The following LAMC1 variants were observed in gnomAD, a reference collection of about 807,000 sequenced individuals.
LAMC1 encodes the protein laminin subunit gamma-1.
A neutral mutation model predicts 173.6 loss-of-function variants in LAMC1; 38 were observed. The ratio of observed to expected loss-of-function variants is 0.22; its 90% CI spans 0.17 to 0.29. The LOEUF is 0.29. Ranked by LOEUF, LAMC1 falls within the 10% of genes least tolerant of loss-of-function variation. LAMC1 has a pLI of 1.00. For synonymous variants in LAMC1, 746 were observed against 749.1 expected, an observed-to-expected ratio of 1.00 and a Z score of 0.07; for missense variants, 1,824 against 2,051.8, an observed-to-expected ratio of 0.89 and a Z score of 2.14.
intron 13 of LAMC1, among the ~76,000 whole-genome samples, chr1:183,123,584 C>T (rs1407643068): frequency 2.0e-5 from 3 of 152,102 alleles, no homozygotes; most frequent in African/African-American, 4.8e-5. Context: ...CCATTGCTAT[C>T]CCAATGTCTC....
intron 13 of LAMC1, among the ~76,000 whole-genome samples, chr1:183,122,996 T>C (rs1447684390): frequency 6.6e-6 from 1 of 152,228 alleles, no homozygotes; most frequent in Non-Finnish European, 1.5e-5. Flanking sequence ...GATTTGATTG[T>C]GTCAGCCATT....
In LAMC1 at chr1:183,137,787, A is replaced by C; in HGVS notation, c.4433A>C (p.Lys1478Thr). The C allele has an allele frequency of 3.1e-6, 5 of 1,611,734 alleles. No homozygotes were observed. The highest frequency in any genetic ancestry group is 4.2e-6 in the Non-Finnish European group (5 of 1,178,652). ...LQEAEKELKR[K>T]QDDADQDMMM... Reference sequence around the variant, plus strand: ...GAAGCAGAAAAAGAGCTAAAGAGAAAACAAGATGACGCTGACCAGGACATG... The same window carrying C: ...GAAGCAGAAAAAGAGCTAAAGAGAACACAAGATGACGCTGACCAGGACATG... Residue 1478 changes from lysine (K) to threonine (T), a missense_variant, in exon 26 of 28, where the codon AAA (lysine) becomes ACA (threonine). Physicochemically the swap from Lys to Thr is moderately conservative, Grantham distance 78. Coordinates refer to ENST00000258341, the MANE Select transcript of LAMC1 (RefSeq NM_002293.4).
At chr1:183,099,236 G>A (rs749845918) in intron 1 of LAMC1, among the ~76,000 whole-genome samples, 21 of 151,978 alleles carry the variant, frequency 1.4e-4, no homozygotes, top group Non-Finnish European at 2.5e-4. Context: ...TTACAGGCGC[G>A]TACCACCACG....
At chr1:183,086,117 A>G (rs1655420442) in intron 1 of LAMC1, among the ~76,000 whole-genome samples, 1 of 152,216 alleles carries the variant, frequency 6.6e-6, no homozygotes. Context: ...TAAATTACAC[A>G]ATTATACTAT....
At position 183,128,676 on chromosome 1, in the gene LAMC1, A is replaced by C; in HGVS notation, c.3206A>C (p.Gln1069Pro). Residue 1069 changes from glutamine (Q) to proline (P), a missense_variant, in exon 18 of 28, where the codon CAA becomes CCA. By Grantham distance (76) the Gln-to-Pro change is moderately conservative. Coordinates refer to ENST00000258341, the MANE Select transcript of LAMC1 (RefSeq NM_002293.4). ...LGTGDEMVTDQAFEDRLKEAE... is the reference protein window; with the variant it reads ...LGTGDEMVTDPAFEDRLKEAE... ...ACTGGGGATGAGATGGTGACAGATC[A>C]AGCCTTCGAGGATAGACTAAAGGAA... The C allele has an allele frequency of 3.7e-6, 6 of 1,613,836 alleles. No homozygotes were observed. The highest frequency in any genetic ancestry group is 5.1e-6 in the Non-Finnish European group (6 of 1,179,788).
At chr1:183,066,039 G>A (rs1340312698) in intron 1 of LAMC1, among the ~76,000 whole-genome samples, 2 of 152,070 alleles carry the variant, frequency 1.3e-5, no homozygotes, top group African/African-American at 2.4e-5. Context: ...ACATGATAAC[G>A]CATTATTGTC....
At chr1:183,071,194 G>A (rs1231869025) in intron 1 of LAMC1, among the ~76,000 whole-genome samples, 1 of 151,818 alleles carries the variant, frequency 6.6e-6, no homozygotes, top group African/African-American at 2.4e-5. Context: ...GACAACTTAG[G>A]AAATTGGTGA....
intron 5 of LAMC1, among the ~76,000 whole-genome samples, chr1:183,115,168 G>A (rs1388919460): frequency 6.6e-6 from 1 of 152,036 alleles, no homozygotes; most frequent in African/African-American, 2.4e-5. Flanking sequence ...TTGTCATTTA[G>A]GCCTATATAT....
chr1:183,065,407 A>G (rs140174502), intron 1 of LAMC1, among the ~76,000 whole-genome samples: 232 of 152,334 alleles, frequency 1.5e-3, no homozygotes, highest in African/African-American at 5.3e-3. Flanking sequence ...TGATGTTGCA[A>G]TCTTGAGTCC....
At chr1:183,142,302 A>G (rs967786616) in intron 27 of LAMC1, among the ~76,000 whole-genome samples, 1 of 152,228 alleles carries the variant, frequency 6.6e-6, no homozygotes, top group African/African-American at 2.4e-5. Context: ...AGAAACATCC[A>G]GCTCTATATT....
At chr1:183,130,216 C>T (rs1332532764) in intron 18 of LAMC1, 128 bp from the exon 19 acceptor site, 4 of 759,412 alleles carry the variant, frequency 5.3e-6, no homozygotes, top group Non-Finnish European at 8.6e-6. Flanking sequence ...ATGGCAGGGG[C>T]TTTGTGGAAA....
chr1:183,058,904 A>G (rs149567149), intron 1 of LAMC1, among the ~76,000 whole-genome samples: 18 of 152,370 alleles, frequency 1.2e-4, no homozygotes, highest in Admixed American at 8.5e-4. Context: ...GCTGCAATCA[A>G]AGCAGCAAGG....
At position 183,133,438 on chromosome 1, in the gene LAMC1, T is replaced by C. The variant is rs757431875; in HGVS notation, c.3737T>C (p.Leu1246Pro). 7 of 1,613,968 alleles carry C rather than the reference T, an allele frequency of 4.3e-6. No individual in the cohort carries two copies. The highest frequency in any genetic ancestry group is 4.5e-5 in the East Asian group (2 of 44,874). ...YEQAKNISQDLEKQAARVHEE... is the reference protein window; with the variant it reads ...YEQAKNISQDPEKQAARVHEE... ...CAAGCGAAGAACATCTCACAGGATC[T>C]GGAAAAACAAGCTGCCCGAGTACAT... Residue 1246 changes from leucine to proline, a missense_variant, in exon 22 of 28, where the codon CTG becomes CCG. By Grantham distance (98) the Leu-to-Pro change is moderately conservative. Coordinates refer to ENST00000258341, the MANE Select transcript of LAMC1 (RefSeq NM_002293.4).
At chr1:183,115,025 G>A (rs1558052559) in intron 5 of LAMC1, among the ~76,000 whole-genome samples, 1 of 152,182 alleles carries the variant, frequency 6.6e-6, no homozygotes, top group East Asian at 1.9e-4. Flanking sequence ...TGCTTTGTGA[G>A]TTCTTCCTTG....
chr1:183,118,424 T>TA (rs1378238080), intron 11 of LAMC1, among the ~76,000 whole-genome samples: 1 of 152,140 alleles, frequency 6.6e-6, no homozygotes, highest in Non-Finnish European at 1.5e-5. Flanking sequence ...ATAGATTTTC[T>TA]AAAAAACCTA....
At chr1:183,135,188 C>T in intron 24 of LAMC1, 32 bp downstream of exon 24, 1 of 1,319,672 alleles carries the variant, frequency 7.6e-7, no homozygotes, top group East Asian at 2.4e-5. Context: ...GGGGCAAATG[C>T]TTCCGCCACT....
Position 183,125,542 on chromosome 1 carries a change from C to G in LAMC1, c.2793C>G (p.Gly931=), listed in dbSNP as rs752831724. The G allele has an allele frequency of 1.4e-5, 22 of 1,583,882 alleles. No individual in the cohort carries two copies. The East Asian group carries it at 3.4e-4, about 24-fold the overall frequency. ...PGFYNLQSGQ[G]CERCDCHALG... is the part of the protein sequence containing the mutation. ...TCTACAATCTGCAGAGTGGGCAAGG[C>G]TGTGAGAGGTGAGACATAGGTGCCT... is the stretch of plus-strand genomic sequence containing the variant. Residue 931 remains glycine, a synonymous_variant, in exon 15 of 28, where the codon GGC becomes GGG. Coordinates refer to ENST00000258341, the MANE Select transcript of LAMC1 (RefSeq NM_002293.4).
intron 1 of LAMC1, among the ~76,000 whole-genome samples, chr1:183,035,198 T>C (rs1653948596): frequency 1.3e-5 from 2 of 152,300 alleles, no homozygotes; most frequent in African/African-American, 2.4e-5. Flanking sequence ...TAAAAAAATA[T>C]ATATGTTTTA....
chr1:183,116,855 A>G lies in LAMC1; in HGVS notation c.1516A>G (p.Asn506Asp). 1 of 1,614,116 alleles carries G rather than the reference A, an allele frequency of 6.2e-7. No homozygotes were observed. Among genetic ancestry groups the G allele is most frequent in the Non-Finnish European group, 8.5e-7 (1 of 1,179,986 alleles). ...CTTTGGGCATTCTTCTGTCTGTACA[A>G]ACGCTGTTGGCTACAGTGTTTATTC... ...FCFGHSSVCT[N>D]AVGYSVYSIS... Residue 506 changes from asparagine (N) to aspartate (D), a missense_variant, in exon 8 of 28, where the codon AAC becomes GAC. By Grantham distance (23) the Asn-to-Asp change is conservative. Coordinates refer to ENST00000258341, the MANE Select transcript of LAMC1 (RefSeq NM_002293.4).
Sources: gnomAD v4.1 joint callset for allele counts (sites outside exome capture counted in the v4.1 genomes callset) on GRCh38, gnomAD v4.1.1 for gene constraint, MANE v1.5 for transcripts, NCBI Gene and HGNC (gene_info 2026-07-23, HGNC 2026-07-21) for gene names.